Variants in CCDC13 observed in about 807,000 individuals in gnomAD.
CCDC13 encodes the protein coiled-coil domain-containing protein 13.
A neutral mutation model predicts 87.3 loss-of-function variants in CCDC13; 70 were observed. The ratio of observed to expected loss-of-function variants is 0.80; its 90% CI spans 0.66 to 0.98. The LOEUF is 0.98. Among genes scored for constraint, CCDC13 ranks in the 50% least tolerant of loss-of-function variants. CCDC13 has a pLI of 0.00. For synonymous variants in CCDC13, 317 were observed against 360.3 expected, an observed-to-expected ratio of 0.88 and a Z score of 1.36; for missense variants, 842 against 892.0, an observed-to-expected ratio of 0.94 and a Z score of 0.71.
chr3:42,721,353 A>G (rs867048085), intron 13 of CCDC13, among the ~76,000 whole-genome samples: 7 of 152,242 alleles, frequency 4.6e-5, no homozygotes, highest in Non-Finnish European at 1.0e-4. Flanking sequence ...CAAGTTTCTG[A>G]TAACTTTGGA....
intron 1 of CCDC13, among the ~76,000 whole-genome samples, chr3:42,762,207 A>T (rs752857701): frequency 8.5e-5 from 13 of 152,238 alleles, no homozygotes; most frequent in Admixed American, 7.8e-4. Context: ...GTCAAACAAA[A>T]GCAGAAGCTG....
At chr3:42,758,090 CA>C in intron 2 of CCDC13, 34 bp downstream of exon 2, 4 of 1,564,060 alleles carry the variant, frequency 2.6e-6, no homozygotes, top group African/African-American at 1.4e-5. Flanking sequence ...CACACACACA[CA>C]CACACCCCTG....
At chr3:42,772,867 C>T (rs1463657265) in intron 1 of CCDC13, among the ~76,000 whole-genome samples, 1 of 152,196 alleles carries the variant, frequency 6.6e-6, no homozygotes, top group Non-Finnish European at 1.5e-5. Context: ...GCTTGTCAGG[C>T]GGACCTGAGT....
chr3:42,772,073 A>AC (rs1227661436), intron 1 of CCDC13, among the ~76,000 whole-genome samples: 1 of 151,766 alleles, frequency 6.6e-6, no homozygotes, highest in Non-Finnish European at 1.5e-5. Flanking sequence ...GGAGTTTGAG[A>AC]CCAGCCTGGC....
At chr3:42,769,231 G>C (rs1397120305) in intron 1 of CCDC13, among the ~76,000 whole-genome samples, 1 of 152,204 alleles carries the variant, frequency 6.6e-6, no homozygotes, top group African/African-American at 2.4e-5. Flanking sequence ...ATGAAAAGAT[G>C]TTCAGCATCA....
Position 42,732,882 on chromosome 3 carries a change from C to A in CCDC13, c.1595+5G>T. On this transcript the variant is annotated splice_donor_5th_base_variant and intron_variant, in intron 12 of 15. Coordinates refer to ENST00000310232, the MANE Select transcript of CCDC13 (RefSeq NM_144719.4). ...TGTGAGAGTCCGGGGGTCGGGGGTC[C>A]ATACCTAGGTGAGGTCCTGTGGGGA... The A allele has an allele frequency of 6.4e-7, 1 of 1,551,742 alleles. No homozygotes were observed. Among genetic ancestry groups the A allele is most frequent in the South Asian group, 1.2e-5 (1 of 84,060 alleles).
chr3:42,714,591 C>A (rs1335994744), intron 13 of CCDC13, among the ~76,000 whole-genome samples: 3 of 152,196 alleles, frequency 2.0e-5, no homozygotes, highest in Non-Finnish European at 4.4e-5. Context: ...ACTAAAGGTT[C>A]ATTTAGTGAG....
chr3:42,711,920 T>G (rs900059809), intron 14 of CCDC13, among the ~76,000 whole-genome samples: 5 of 152,106 alleles, frequency 3.3e-5, no homozygotes, highest in African/African-American at 1.2e-4. Flanking sequence ...TGGTTGGAAG[T>G]CCTGCTGCCC....
At chr3:42,770,787 C>G (rs912581320) in intron 1 of CCDC13, 2 of 152,960 alleles carry the variant, frequency 1.3e-5, no homozygotes, top group African/African-American at 4.8e-5. Context: ...ATGAACAACT[C>G]CAGACGCACC....
intron 1 of CCDC13, among the ~76,000 whole-genome samples, chr3:42,768,639 G>A (rs1349427404): frequency 2.0e-5 from 3 of 151,972 alleles, no homozygotes; most frequent in African/African-American, 7.3e-5. Flanking sequence ...GGAGGTTGCA[G>A]TAAGCTGAGA....
chr3:42,734,766 G>C (rs965681683), intron 10 of CCDC13, among the ~76,000 whole-genome samples: 1 of 152,218 alleles, frequency 6.6e-6, no homozygotes, highest in African/African-American at 2.4e-5. Flanking sequence ...TGGGAGACCT[G>C]CATGCCTGTC....
chr3:42,752,776 G>C, intron 3 of CCDC13, 59 bp from the exon 4 acceptor site: 1 of 1,587,684 alleles, frequency 6.3e-7, no homozygotes, highest in African/African-American at 1.3e-5. Context: ...TCAAACTCAT[G>C]CTCCACCACT....
chr3:42,747,061 G>A (rs1031684126), intron 6 of CCDC13, 196 bp downstream of exon 6: 42 of 690,874 alleles, frequency 6.1e-5, no homozygotes, highest in Admixed American at 6.0e-4. Flanking sequence ...GGTAGCCAGC[G>A]ACTCTGCCCA....
intron 8 of CCDC13, among the ~76,000 whole-genome samples, chr3:42,740,816 G>A (rs1699192056): frequency 6.6e-6 from 1 of 152,154 alleles, no homozygotes; most frequent in African/African-American, 2.4e-5. Context: ...TCACCTGCTT[G>A]ATCCTGAGGG....
intron 1 of CCDC13, among the ~76,000 whole-genome samples, chr3:42,763,479 CTG>C (rs891766146): frequency 9.4e-5 from 14 of 148,598 alleles, no homozygotes; most frequent in African/African-American, 3.5e-4. Context: ...CAGTCAAACT[CTG>C]TAAAATATTT....
intron 7 of CCDC13, 149 bp from the exon 8 acceptor site, chr3:42,743,206 G>T: frequency 1.3e-6 from 1 of 784,588 alleles, no homozygotes. Flanking sequence ...AGGGGTGGGG[G>T]ACAATCTGAG....
chr3:42,709,268 C>A, intron 15 of CCDC13, 129 bp from the exon 16 acceptor site: 1 of 918,330 alleles, frequency 1.1e-6, no homozygotes, highest in Non-Finnish European at 1.6e-6. Context: ...CTGACCCATC[C>A]CCTCCTCTCA....
chr3:42,771,350 G>A (rs1159663708), intron 1 of CCDC13, among the ~76,000 whole-genome samples: 2 of 152,132 alleles, frequency 1.3e-5, no homozygotes, highest in African/African-American at 4.8e-5. Flanking sequence ...AAGGAACAAT[G>A]AACAGTAAAG....
chr3:42,757,036 C>A, intron 3 of CCDC13, 30 bp downstream of exon 3: 1 of 1,606,828 alleles, frequency 6.2e-7, no homozygotes, highest in Non-Finnish European at 8.5e-7. Context: ...GACTGCAGGG[C>A]AAGGACTATC....
Sources: allele counts gnomAD v4.1 joint callset (sites outside exome capture counted in the v4.1 genomes callset), GRCh38; gene constraint gnomAD v4.1.1; transcripts MANE v1.5; gene names NCBI Gene and HGNC (gene_info 2026-07-23, HGNC 2026-07-21).